Variants in VAPB observed in about 807,000 individuals in gnomAD.
VAPB encodes the protein VAMP associated protein B and C, also known as vesicle-associated membrane protein-associated protein B/C.
A neutral mutation model predicts 25.6 loss-of-function variants in VAPB; 7 were observed. That is an observed-to-expected ratio of 0.27 (90% CI 0.16 to 0.51). The LOEUF (loss-of-function observed/expected upper bound fraction) is 0.51. Ranked by LOEUF, VAPB falls within the 20% of genes least tolerant of loss-of-function variation. VAPB has a pLI of 0.97. For missense variants in VAPB, 266 were observed against 301.3 expected (o/e 0.88, Z 0.87); for synonymous variants, 112 against 109.2 (o/e 1.03, Z -0.16).
chr20:58,393,236 G>A (rs776048287), intron 1 of VAPB, among the ~76,000 whole-genome samples: 2 of 152,126 alleles, frequency 1.3e-5, no homozygotes, highest in Admixed American at 6.5e-5. Context: ...TTGCCATGTT[G>A]CCCAGGCTGG....
At chr20:58,431,337 G>C (rs1988922331) in intron 2 of VAPB, 3 of 152,212 alleles carry the variant, frequency 2.0e-5, no homozygotes, top group Non-Finnish European at 4.4e-5. Flanking sequence ...GGAAAAGTCT[G>C]TAAGTATTTG....
chr20:58,400,656 T>C (rs1568699355), intron 1 of VAPB, among the ~76,000 whole-genome samples: 1 of 152,194 alleles, frequency 6.6e-6, no homozygotes, highest in African/African-American at 2.4e-5. Flanking sequence ...CTACATTCTC[T>C]TCTTCTTCTT....
chr20:58,410,197 C>T (rs1240630151), intron 1 of VAPB, among the ~76,000 whole-genome samples: 2 of 152,088 alleles, frequency 1.3e-5, no homozygotes, highest in African/African-American at 4.8e-5. Flanking sequence ...ACATTGGTTA[C>T]CATTGGTGAA....
At chr20:58,441,806 T>C (rs1280869249) in intron 5 of VAPB, among the ~76,000 whole-genome samples, 2 of 152,244 alleles carry the variant, frequency 1.3e-5, no homozygotes, top group Non-Finnish European at 2.9e-5. Flanking sequence ...TCTGTTTTAA[T>C]GCAAGTATAG....
rs368290264 is a variant in VAPB at position 58,405,177 on chromosome 20, G to A, written c.59-13034G>A. Among the ~76,000 whole-genome samples, 14 of 152,294 alleles carry A rather than the reference G, an allele frequency of 9.2e-5. No individual in the cohort carries two copies. The South Asian group carries it at 2.9e-3, about 32-fold the overall frequency. ...GATTAGGGAAGGTCATTTACCTGAG[G>A]AGGTGATATTTGAACTGAGACCTAT... On this transcript the variant is annotated intron_variant, in intron 1 of 5. Coordinates refer to ENST00000475243, the MANE Select transcript of VAPB (RefSeq NM_004738.5).
chr20:58,440,677 G>A (rs566232153), intron 4 of VAPB: 21 of 447,302 alleles, frequency 4.7e-5, no homozygotes, highest in African/African-American at 3.8e-4. Flanking sequence ...TGAAGTATTA[G>A]TCTCAGCCGA....
In VAPB at chr20:58,445,334, G is replaced by A. The variant is rs191660921; in HGVS notation, c.*1099G>A. The A allele has an allele frequency of 2.5e-4, 112 of 454,530 alleles. No individual in the cohort carries two copies. Among genetic ancestry groups the A allele is most frequent in the African/African-American group, 2.0e-3 (102 of 50,112 alleles). The allele number at this position is 454,530 out of a possible 1,614,324, so 28.2% of individuals were successfully genotyped here. On this transcript the variant is annotated 3_prime_UTR_variant, in exon 6 of 6. Transcript: ENST00000475243. ...CCTCCCCTTGGGGACCTAGCCTGGA[G>A]TCAGGACAAATGGATCGGGCTGCAG... is the stretch of plus-strand genomic sequence containing the variant.
intron 1 of VAPB, among the ~76,000 whole-genome samples, chr20:58,391,943 C>T (rs559895553): frequency 1.6e-3 from 243 of 152,342 alleles, no homozygotes; most frequent in Non-Finnish European, 2.6e-3. Flanking sequence ...TGCATAGATG[C>T]AGCCAGTGTC....
At chr20:58,433,637 T>A (rs1770360068) in intron 2 of VAPB, among the ~76,000 whole-genome samples, 1 of 152,208 alleles carries the variant, frequency 6.6e-6, no homozygotes, top group African/African-American at 2.4e-5. Flanking sequence ...ATTCTTTTCA[T>A]GTGAAAAGTA....
intron 1 of VAPB, among the ~76,000 whole-genome samples, chr20:58,407,646 G>A (rs1014692353): frequency 4.6e-5 from 7 of 150,650 alleles, no homozygotes; most frequent in African/African-American, 1.7e-4. Flanking sequence ...TGATTCATAC[G>A]CCCTCCTTTT....
At chr20:58,430,381 C>T (rs1469456336) in intron 2 of VAPB, among the ~76,000 whole-genome samples, 2 of 151,832 alleles carry the variant, frequency 1.3e-5, no homozygotes, top group African/African-American at 4.8e-5. Flanking sequence ...CATGCCTCAG[C>T]CTCCCGAATA....
chr20:58,389,660 T>G, intron 1 of VAPB, 143 bp downstream of exon 1: 1 of 888,540 alleles, frequency 1.1e-6, no homozygotes, highest in Non-Finnish European at 1.5e-6. Flanking sequence ...GGGCCGGGCC[T>G]TGGCGCTCGC....
In VAPB at chr20:58,444,940, C is replaced by A. The variant is rs776378796; in HGVS notation, c.*705C>A. Reference sequence around the variant, plus strand: ...AACTGTTATTCAGAGATGTTTAATGCATATTTAACTTATTTAATGTATTTC... The same window carrying A: ...AACTGTTATTCAGAGATGTTTAATGAATATTTAACTTATTTAATGTATTTC... On this transcript the variant is annotated 3_prime_UTR_variant, in exon 6 of 6. Coordinates refer to ENST00000475243, the MANE Select transcript of VAPB (RefSeq NM_004738.5). 2 of 454,594 alleles carry A rather than the reference C, an allele frequency of 4.4e-6. No individual in the cohort carries two copies. The highest frequency in any genetic ancestry group is 8.8e-6 in the Non-Finnish European group (2 of 226,796). The allele number at this position is 454,594 out of a possible 1,614,324, so 28.2% of individuals were successfully genotyped here.
intron 1 of VAPB, among the ~76,000 whole-genome samples, chr20:58,401,406 CT>C (rs1988092224): frequency 6.6e-6 from 1 of 151,514 alleles, no homozygotes; most frequent in African/African-American, 2.4e-5. Flanking sequence ...TGTCTTTTTT[CT>C]TTCTGTTCTT....
At chr20:58,428,173 G>T (rs1988849085) in intron 2 of VAPB, among the ~76,000 whole-genome samples, 1 of 152,228 alleles carries the variant, frequency 6.6e-6, no homozygotes, top group Non-Finnish European at 1.5e-5. Context: ...AGGCAACTCT[G>T]ATCTTAATGA....
In VAPB at chr20:58,450,861, T is replaced by C. The variant is rs909118251; in HGVS notation, c.*6626T>C. ...AAAAGTTGGTGCAGGAAAGGACTCT[T>C]TACTGTTGCACATTTTGGTTTTCTG... On this transcript the variant is annotated 3_prime_UTR_variant, in exon 6 of 6. Coordinates refer to ENST00000475243, the MANE Select transcript of VAPB (RefSeq NM_004738.5). 3.5e-5 allele frequency: 16 copies of C among 454,058 alleles called. No individual in the cohort carries two copies. Among genetic ancestry groups the C allele is most frequent in the African/African-American group, 3.0e-4 (15 of 50,020 alleles). The allele number at this position is 454,058 out of a possible 1,614,324, so 28.1% of individuals were successfully genotyped here.
intron 1 of VAPB, among the ~76,000 whole-genome samples, chr20:58,401,817 C>G (rs1033311924): frequency 3.3e-5 from 5 of 152,216 alleles, no homozygotes; most frequent in African/African-American, 1.2e-4. Flanking sequence ...CAGCATGACC[C>G]AAGCTGAACT....
intron 2 of VAPB, among the ~76,000 whole-genome samples, chr20:58,425,189 C>T (rs1988759292): frequency 6.6e-6 from 1 of 152,182 alleles, no homozygotes; most frequent in South Asian, 2.1e-4. Flanking sequence ...CCTGTAAGCA[C>T]CATATGGTAG....
intron 1 of VAPB, among the ~76,000 whole-genome samples, chr20:58,415,825 T>A (rs1043707535): frequency 6.6e-5 from 10 of 152,210 alleles, no homozygotes; most frequent in Non-Finnish European, 1.0e-4. Context: ...TATTGAAGGT[T>A]TTGTGTATGC....
Sources: gnomAD v4.1 joint callset for allele counts (sites outside exome capture counted in the v4.1 genomes callset) on GRCh38, gnomAD v4.1.1 for gene constraint, MANE v1.5 for transcripts, NCBI Gene and HGNC (gene_info 2026-07-23, HGNC 2026-07-21) for gene names.